The following TBC1D30 variants were observed in gnomAD, a reference collection of about 807,000 sequenced individuals.
TBC1D30 encodes the protein TBC1 domain family member 30.
In TBC1D30, 31 loss-of-function variants were observed where a neutral mutation model predicts 63.2. The observed-to-expected ratio is 0.49, with a 90% CI of 0.37 to 0.66. TBC1D30 has a LOEUF of 0.66. Among genes scored for constraint, TBC1D30 ranks in the 30% least tolerant of loss-of-function variants. The pLI is 0.00. For synonymous variants in TBC1D30, 307 were observed against 361.5 expected (o/e 0.85, Z 1.71); for missense variants, 810 against 953.6 (o/e 0.85, Z 1.98).
chr12:64,852,493 G>A (rs1034740693), intron 8 of TBC1D30, among the ~76,000 whole-genome samples: 2 of 151,978 alleles, frequency 1.3e-5, no homozygotes, highest in Non-Finnish European at 2.9e-5. Flanking sequence ...CTGTCAATTC[G>A]TCAAACTCAT....
At chr12:64,851,629 T>C (rs1450801331) in intron 8 of TBC1D30, among the ~76,000 whole-genome samples, 1 of 152,242 alleles carries the variant, frequency 6.6e-6, no homozygotes, top group Non-Finnish European at 1.5e-5. Context: ...TGTTGGTCTT[T>C]ACAATTTGGT....
At chr12:64,814,543 T>A (rs1220863422) in intron 2 of TBC1D30, among the ~76,000 whole-genome samples, 3 of 152,204 alleles carry the variant, frequency 2.0e-5, no homozygotes, top group African/African-American at 7.2e-5. Context: ...TAAAATCTAG[T>A]GAAACTAGAA....
chr12:64,793,489 C>CAAA (rs56138627), intron 2 of TBC1D30, among the ~76,000 whole-genome samples: 3 of 115,490 alleles, frequency 2.6e-5, no homozygotes, highest in African/African-American at 9.9e-5. Context: ...ACCAAAAATA[C>CAAA]AAAAAAAAAA....
At chr12:64,838,064 G>A (rs201931895) in intron 6 of TBC1D30, among the ~76,000 whole-genome samples, 2 of 151,936 alleles carry the variant, frequency 1.3e-5, no homozygotes, top group East Asian at 3.8e-4. Flanking sequence ...ATCACATAAA[G>A]TAAGAGGGAG....
chr12:64,837,006 C>A (rs1301071008), intron 6 of TBC1D30, among the ~76,000 whole-genome samples: 3 of 152,144 alleles, frequency 2.0e-5, no homozygotes, highest in Admixed American at 6.6e-5. Context: ...AAATGAGCTA[C>A]AGGTACAATT....
intron 2 of TBC1D30, among the ~76,000 whole-genome samples, chr12:64,788,744 C>T (rs1223864548): frequency 6.6e-6 from 1 of 152,176 alleles, no homozygotes; most frequent in East Asian, 1.9e-4. Context: ...ACAGGGTTGT[C>T]TGGCACCTTT....
chr12:64,778,900 A>G (rs1216269522), upstream of TBC1D30, among the ~76,000 whole-genome samples: 1 of 152,182 alleles, frequency 6.6e-6, no homozygotes, highest in Non-Finnish European at 1.5e-5. Context: ...AGATCATTCC[A>G]TAAGTACAAT....
chr12:64,800,213 G>A (rs947455447), intron 2 of TBC1D30, among the ~76,000 whole-genome samples: 7 of 152,194 alleles, frequency 4.6e-5, no homozygotes, highest in African/African-American at 1.7e-4. Flanking sequence ...GGCTGAGGGA[G>A]CATCAGGTAT....
At chr12:64,850,688 G>T (rs1876789394) in intron 8 of TBC1D30, among the ~76,000 whole-genome samples, 1 of 152,164 alleles carries the variant, frequency 6.6e-6, no homozygotes, top group Admixed American at 6.5e-5. Context: ...GTATTTTATT[G>T]AGGATTTTTG....
At chr12:64,805,938 TG>T in intron 2 of TBC1D30, among the ~76,000 whole-genome samples, 1 of 152,174 alleles carries the variant, frequency 6.6e-6, no homozygotes, top group Admixed American at 6.5e-5. Context: ...ACAGCTTTCC[TG>T]GGGGGAATGA....
upstream of TBC1D30, among the ~76,000 whole-genome samples, chr12:64,823,434 A>G (rs944396250): frequency 2.0e-5 from 3 of 152,046 alleles, no homozygotes; most frequent in East Asian, 1.9e-4. Context: ...TTAATTTTCA[A>G]TTGTTAGGGT....
Position 64,806,072 on chromosome 12 carries a change from A to G in TBC1D30, c.643+20027A>G, listed in dbSNP as rs185885603. On this transcript the variant is annotated intron_variant, in intron 2 of 12. Transcript: ENST00000542120. ...GTCTGCTGTTGTCATTGTTCATTCA[A>G]CCCCACCAATGGGAAGACCAGTGGA... is the stretch of plus-strand genomic sequence containing the variant. Among the ~76,000 whole-genome samples the G allele has an allele frequency of 2.4e-3, 363 of 152,276 alleles. 1 individual carries two copies. Among genetic ancestry groups the G allele is most frequent in the Admixed American group, 6.0e-3 (91 of 15,288 alleles).
Position 64,832,135 on chromosome 12 carries a change from G to A in TBC1D30, c.425G>A (p.Gly142Asp). The change falls in exon 5 of 12, where the codon GGC becomes GAC. Residue 142 changes from glycine (G) to aspartate (D), a missense_variant. By Grantham distance (94) the Gly-to-Asp change is moderately conservative (BLOSUM62 -1). Transcript: ENST00000539867. ...IQIVKDLHRT[G>D]CSSYCGQEAE... is the part of the protein sequence containing the mutation. ...TCCATTTAGGACCTTCACCGCACAG[G>A]CTGTAGTTCTTACTGTGGCCAGGAG... is the stretch of plus-strand genomic sequence containing the variant. 1 of 1,535,598 alleles carries A rather than the reference G, an allele frequency of 6.5e-7. No homozygotes were observed. Among genetic ancestry groups the A allele is most frequent in the South Asian group, 1.2e-5 (1 of 84,008 alleles).
chr12:64,808,248 G>A (rs1470180142), intron 2 of TBC1D30, among the ~76,000 whole-genome samples: 1 of 152,088 alleles, frequency 6.6e-6, no homozygotes, highest in Non-Finnish European at 1.5e-5. Context: ...CGTTTATGTA[G>A]TACTTCTATT....
intron 2 of TBC1D30, among the ~76,000 whole-genome samples, chr12:64,795,360 G>T (rs1197282581): frequency 6.6e-6 from 1 of 152,144 alleles, no homozygotes; most frequent in Admixed American, 6.5e-5. Flanking sequence ...CCTGTTTTAG[G>T]TAAGGTACTC....
chr12:64,849,688 G>A (rs1876696401), intron 8 of TBC1D30, among the ~76,000 whole-genome samples: 1 of 152,202 alleles, frequency 6.6e-6, no homozygotes, highest in Non-Finnish European at 1.5e-5. Flanking sequence ...TTGTAGTATA[G>A]TTTGAAGTCG....
intron 2 of TBC1D30, among the ~76,000 whole-genome samples, chr12:64,790,585 A>G (rs1871861475): frequency 6.6e-6 from 1 of 152,234 alleles, no homozygotes; most frequent in Non-Finnish European, 1.5e-5. Flanking sequence ...GAATATATGC[A>G]GAAATATTAT....
chr12:64,831,282 T>C (rs1874838225), intron 4 of TBC1D30, among the ~76,000 whole-genome samples: 1 of 152,210 alleles, frequency 6.6e-6, no homozygotes, highest in Non-Finnish European at 1.5e-5. Flanking sequence ...AGACAAATGC[T>C]AAAAAAGTTA....
exon 1 of TBC1D30, chr12:64,781,102 G>A: frequency 1.0e-6 from 1 of 1,003,494 alleles, no homozygotes; most frequent in East Asian, 1.1e-4. Context: ...AGGAGGAGGC[G>A]GCGGGCGGGG....
Sources: gnomAD v4.1 joint callset for allele counts (sites outside exome capture counted in the v4.1 genomes callset) on GRCh38, gnomAD v4.1.1 for gene constraint, MANE v1.5 for transcripts, NCBI Gene and HGNC (gene_info 2026-07-23, HGNC 2026-07-21) for gene names.